The following ARID4B variants were observed in gnomAD, a reference collection of about 807,000 sequenced individuals.
ARID4B encodes the protein AT-rich interactive domain-containing protein 4B.
ARID4B carries 26 observed loss-of-function variants against 147.5 expected under a neutral mutation model. That is an observed-to-expected ratio of 0.18 (90% CI 0.13 to 0.24). ARID4B has a LOEUF of 0.24. ARID4B is among the 10% of genes least tolerant of loss of function. The pLI is 1.00. For missense variants in ARID4B, 1,179 were observed against 1,511.5 expected (o/e 0.78, Z 3.65); for synonymous variants, 512 against 507.9 (o/e 1.01, Z -0.11).
At chr1:235,283,758 C>T (rs1026359242) in intron 2 of ARID4B, among the ~76,000 whole-genome samples, 9 of 152,230 alleles carry the variant, frequency 5.9e-5, no homozygotes, top group African/African-American at 1.9e-4. Flanking sequence ...GACAGTCTCG[C>T]TCTCCAAGAC....
intron 2 of ARID4B, among the ~76,000 whole-genome samples, chr1:235,324,229 C>T (rs906042648): frequency 2.0e-5 from 3 of 152,082 alleles, no homozygotes; most frequent in Non-Finnish European, 4.4e-5. Flanking sequence ...TTTTAAAAGT[C>T]TATCAAGAGC....
At chr1:235,223,395 A>G (rs1175290418) in intron 12 of ARID4B, 135 bp from the exon 13 acceptor site, 2 of 189,418 alleles carry the variant, frequency 1.1e-5, no homozygotes, top group East Asian at 2.0e-4. Context: ...ACGTATATAT[A>G]TGTGTGTGTA....
intron 2 of ARID4B, among the ~76,000 whole-genome samples, chr1:235,303,565 A>C (rs1558296982): frequency 6.6e-6 from 1 of 152,186 alleles, no homozygotes; most frequent in Non-Finnish European, 1.5e-5. Flanking sequence ...CTCTAAAAAA[A>C]ACGAGAAACA....
At chr1:235,231,004 T>C in intron 10 of ARID4B, 109 bp downstream of exon 10, 1 of 746,302 alleles carries the variant, frequency 1.3e-6, no homozygotes, top group Admixed American at 2.9e-5. Context: ...AATATAACCA[T>C]AAAAACATAA....
chr1:235,171,139 T>C lies in ARID4B; in HGVS notation c.3811+1479A>G, dbSNP rs565330372. On this transcript the variant is annotated intron_variant, in intron 23 of 23. Transcript: ENST00000264183. ...GTTTTAATTTTTTTGGTAAGAATGA[T>C]ACCTTATTTGGGCCAGTCGCAGTGG... Among the ~76,000 whole-genome samples, 4 of 152,186 alleles carry C rather than the reference T, an allele frequency of 2.6e-5. No homozygotes were observed. The East Asian group carries it at 7.7e-4, about 29-fold the overall frequency.
chr1:235,220,371 A>G lies in ARID4B; in HGVS notation c.1338T>C (p.Asn446=). 6.2e-7 allele frequency: 1 copy of G among 1,603,632 alleles called. No homozygotes were observed. The highest frequency in any genetic ancestry group is 1.3e-5 in the African/African-American group (1 of 74,736). ...TAGGCTTTTCTTCTCTTGGTATTAT[A>G]TTCCTCTCCTCCTCCATCTTTATTT... ...IKEIKMEEER[N]IIPREEKPIE... is the part of the protein sequence containing the mutation. Residue 446 remains asparagine (N), a synonymous_variant, in exon 15 of 24, where the codon AAT becomes AAC. Transcript: ENST00000264183.
intron 2 of ARID4B, among the ~76,000 whole-genome samples, chr1:235,303,231 T>C (rs1673312543): frequency 6.6e-6 from 1 of 152,156 alleles, no homozygotes; most frequent in Non-Finnish European, 1.5e-5. Flanking sequence ...CCAGAGAGTT[T>C]ATATTCTTAA....
Position 235,223,684 on chromosome 1 carries a change from C to CGTTTTTTTTTTTTTTT in ARID4B, c.971-425_971-424insAAAAAAAAAAAAAAAC, listed in dbSNP as rs149769753. On this transcript the variant is annotated intron_variant, in intron 12 of 23. Coordinates refer to ENST00000264183, the MANE Select transcript of ARID4B (RefSeq NM_016374.6). ...AAATAATGATTCTATAGTAAAGCTA[C>CGTTTTTTTTTTTTTTT]ATTTTTTTTTTTTTTTCATTCTAAC... is the stretch of plus-strand genomic sequence containing the variant. 4.3e-5 allele frequency among the ~76,000 whole-genome samples: 5 copies of CGTTTTTTTTTTTTTTT among 117,144 alleles called. 1 individual carries two copies. The highest frequency in any genetic ancestry group is 6.7e-5 in the African/African-American group (2 of 29,734). The allele number at this position is 117,144 out of a possible 152,430, so 76.9% of individuals were successfully genotyped here. A position where few individuals can be genotyped will look rare whatever the true frequency, so the allele number is the denominator to read the frequency against.
chr1:235,200,724 T>C (rs1665853746), intron 17 of ARID4B, among the ~76,000 whole-genome samples: 1 of 152,148 alleles, frequency 6.6e-6, no homozygotes, highest in Non-Finnish European at 1.5e-5. Flanking sequence ...AAAAATACAG[T>C]ACATTTAGTA....
At position 235,213,942 on chromosome 1, in the gene ARID4B, A is replaced by T. The variant is rs1218115685; in HGVS notation, c.1668T>A (p.Asp556Glu). 1 of 1,609,686 alleles carries T rather than the reference A, an allele frequency of 6.2e-7. No homozygotes were observed. ...EEEEEEEEDE[D>E]DDDNNEEEEF... ...CCTCTTCCTCATTGTTGTCATCATCATCTTCATCCTCTTCTTCTTCTTCCT... is the reference window on the plus strand; with the variant it reads ...CCTCTTCCTCATTGTTGTCATCATCTTCTTCATCCTCTTCTTCTTCTTCCT... The change falls in exon 17 of 24, where the codon GAT (aspartate) becomes GAA (glutamate). Residue 556 changes from aspartate to glutamate, a missense_variant. Transcript: ENST00000264183.
At chr1:235,197,368 TGAGTC>T (rs527466027) in intron 17 of ARID4B, among the ~76,000 whole-genome samples, 2 of 152,214 alleles carry the variant, frequency 1.3e-5, no homozygotes, top group Non-Finnish European at 2.9e-5. Flanking sequence ...GTAAATGACT[TGAGTC>T]ATTACTTGAC....
intron 2 of ARID4B, among the ~76,000 whole-genome samples, chr1:235,290,281 A>G (rs1672253222): frequency 6.6e-6 from 1 of 151,966 alleles, no homozygotes. Context: ...TGTCTCCACT[A>G]AAAATACAAA....
Position 235,257,144 on chromosome 1 carries a change from T to C in ARID4B, c.183+16A>G, listed in dbSNP as rs1327988159. 6.4e-7 allele frequency: 1 copy of C among 1,570,546 alleles called. No individual in the cohort carries two copies. On this transcript the variant is annotated intron_variant, in intron 4 of 23. Transcript: ENST00000264183. ...CCCAAACAACCATTAGAATTAACAA[T>C]GAATACATGAATTACCTTTAGTGGG...
intron 17 of ARID4B, among the ~76,000 whole-genome samples, chr1:235,208,426 A>C (rs2102995329): frequency 6.6e-6 from 1 of 152,278 alleles, no homozygotes; most frequent in East Asian, 1.9e-4. Context: ...AGCAGAACTA[A>C]ATTTTTTTTA....
At chr1:235,169,576 C>G (rs940458039) in intron 23 of ARID4B, among the ~76,000 whole-genome samples, 2 of 151,738 alleles carry the variant, frequency 1.3e-5, no homozygotes, top group African/African-American at 4.8e-5. Flanking sequence ...CACTCTGTCG[C>G]CCAGGCTGGA....
chr1:235,316,515 AT>A (rs1490056391), intron 2 of ARID4B, among the ~76,000 whole-genome samples: 1 of 142,540 alleles, frequency 7.0e-6, no homozygotes. Flanking sequence ...TCTCAAAAAA[AT>A]AATAATATAT....
At chr1:235,171,782 G>A (rs368814221) in intron 23 of ARID4B, among the ~76,000 whole-genome samples, 2 of 152,136 alleles carry the variant, frequency 1.3e-5, no homozygotes, top group East Asian at 1.9e-4. Flanking sequence ...TGGGATTACA[G>A]GCACCCGCCA....
At chr1:235,320,552 G>A (rs1357852960) in intron 2 of ARID4B, among the ~76,000 whole-genome samples, 1 of 152,112 alleles carries the variant, frequency 6.6e-6, no homozygotes, top group Non-Finnish European at 1.5e-5. Context: ...TCACTACCCA[G>A]CAGTCAAACA....
chr1:235,253,411 T>G (rs1669763317), intron 5 of ARID4B, among the ~76,000 whole-genome samples: 1 of 152,080 alleles, frequency 6.6e-6, no homozygotes, highest in Admixed American at 6.6e-5. Flanking sequence ...CTAAAATGTC[T>G]CCAGCTCCAG....
Sources: gnomAD v4.1 joint callset for allele counts (sites outside exome capture counted in the v4.1 genomes callset) on GRCh38, gnomAD v4.1.1 for gene constraint, MANE v1.5 for transcripts, NCBI Gene and HGNC (gene_info 2026-07-23, HGNC 2026-07-21) for gene names.